PHACTR1: variants seen among roughly 807,000 people sequenced by gnomAD.
PHACTR1 encodes the protein RPEL repeat containing 1.
A neutral mutation model predicts 69.2 loss-of-function variants in PHACTR1; 16 were observed. The observed-to-expected ratio is 0.23, with a 90% CI of 0.16 to 0.35. PHACTR1 has a LOEUF of 0.35. Among genes scored for constraint, PHACTR1 ranks in the 10% least tolerant of loss-of-function variants. The probability of loss-of-function intolerance (pLI) is 1.00; values close to 1 mark genes in which losing one functional copy is unlikely to be tolerated. For synonymous variants in PHACTR1, 312 were observed against 284.5 expected (o/e 1.10, Z -0.97); for missense variants, 510 against 734.7 (o/e 0.69, Z 3.54).
At chr6:12,959,191 A>AG (rs1554181492) in intron 4 of PHACTR1, among the ~76,000 whole-genome samples, 3 of 109,002 alleles carry the variant, frequency 2.8e-5, no homozygotes, top group African/African-American at 1.1e-4. Context: ...AAAAAAAAAA[A>AG]AAAAGAAAAG....
intron 5 of PHACTR1, among the ~76,000 whole-genome samples, chr6:13,058,805 T>C (rs2127746678): frequency 6.6e-6 from 1 of 152,084 alleles, no homozygotes; most frequent in Non-Finnish European, 1.5e-5. Context: ...AGGTGAGCCG[T>C]CTAGGAGAGC....
chr6:12,755,640 G>A (rs893038745), intron 4 of PHACTR1, among the ~76,000 whole-genome samples: 8 of 152,144 alleles, frequency 5.3e-5, no homozygotes, highest in East Asian at 3.9e-4. Context: ...AATATTCAGG[G>A]ATTATTCAAA....
chr6:13,132,888 G>A (rs1583501705), intron 5 of PHACTR1, among the ~76,000 whole-genome samples: 1 of 152,124 alleles, frequency 6.6e-6, no homozygotes, highest in Non-Finnish European at 1.5e-5. Flanking sequence ...CAACAATGGA[G>A]CTTGTAGCAT....
chr6:12,869,213 G>C (rs1203607719), intron 4 of PHACTR1, among the ~76,000 whole-genome samples: 1 of 152,120 alleles, frequency 6.6e-6, no homozygotes, highest in Non-Finnish European at 1.5e-5. Context: ...AAGATGTACA[G>C]AATGAGGGAC....
At position 13,035,435 on chromosome 6, in the gene PHACTR1, TTAAACC is replaced by T. The variant is rs1338257020; in HGVS notation, c.251-17926_251-17921del. Among the ~76,000 whole-genome samples the T allele has an allele frequency of 2.0e-4, 31 of 152,110 alleles. No homozygotes were observed. The South Asian group carries it at 6.4e-3, about 32-fold the overall frequency. On this transcript the variant is annotated intron_variant, in intron 4 of 14. Transcript: ENST00000332995. ...CAGAAAAGTTCTATATGATTTTTTT[TTAAACC>T]TAACAACCCATTTTACTGCATTGTT...
chr6:13,120,920 T>C (rs916964700), intron 5 of PHACTR1, among the ~76,000 whole-genome samples: 2 of 152,214 alleles, frequency 1.3e-5, no homozygotes, highest in Non-Finnish European at 2.9e-5. Flanking sequence ...GACAGGGTGA[T>C]TGGGAGCTCT....
intron 5 of PHACTR1, among the ~76,000 whole-genome samples, chr6:13,059,029 A>G (rs1807251002): frequency 6.6e-6 from 1 of 152,166 alleles, no homozygotes; most frequent in African/African-American, 2.4e-5. Flanking sequence ...GGGAGATTTT[A>G]TAAGGAACAA....
At chr6:12,933,810 C>G (rs1332284103) in intron 4 of PHACTR1, 1 of 1,612,822 alleles carries the variant, frequency 6.2e-7, no homozygotes, top group African/African-American at 1.3e-5. Flanking sequence ...GGACAATTCT[C>G]TACTCAGGGT....
At chr6:12,815,671 A>G (rs1775498398) in intron 4 of PHACTR1, among the ~76,000 whole-genome samples, 1 of 152,200 alleles carries the variant, frequency 6.6e-6, no homozygotes, top group Admixed American at 6.5e-5. Context: ...GGGAAAATAC[A>G]GTTCTCTGGA....
intron 5 of PHACTR1, among the ~76,000 whole-genome samples, chr6:13,125,099 G>A (rs1819334231): frequency 6.6e-6 from 1 of 152,192 alleles, no homozygotes; most frequent in South Asian, 2.1e-4. Context: ...CAAAAGGAAA[G>A]AGAAAAGTCC....
At chr6:13,247,813 C>T (rs1308277593) in intron 10 of PHACTR1, among the ~76,000 whole-genome samples, 1 of 152,098 alleles carries the variant, frequency 6.6e-6, no homozygotes, top group Non-Finnish European at 1.5e-5. Flanking sequence ...ATGATCAAAC[C>T]TGTGAATAGC....
intron 10 of PHACTR1, among the ~76,000 whole-genome samples, chr6:13,263,193 T>C (rs1037242373): frequency 1.3e-5 from 2 of 152,114 alleles, no homozygotes; most frequent in South Asian, 4.1e-4. Flanking sequence ...CAGTCTTCTT[T>C]TTCCAAGGTC....
intron 4 of PHACTR1, among the ~76,000 whole-genome samples, chr6:12,782,284 G>C (rs1011102488): frequency 6.6e-6 from 1 of 152,144 alleles, no homozygotes; most frequent in South Asian, 2.1e-4. Flanking sequence ...CACGGAACAT[G>C]ACGCCTTACA....
intron 7 of PHACTR1, among the ~76,000 whole-genome samples, chr6:13,199,381 C>T (rs534197988): frequency 1.6e-5 from 1 of 64,474 alleles, no homozygotes. Context: ...GAGAGTCCAT[C>T]TCAAAAAAAA....
chr6:12,857,751 T>C lies in PHACTR1; in HGVS notation c.250+107961T>C, dbSNP rs578063085. On this transcript the variant is annotated intron_variant, in intron 4 of 14. Coordinates refer to ENST00000332995, the MANE Select transcript of PHACTR1 (RefSeq NM_030948.6). ...GTCACCAAAGCCTTGGACTGTACTTTTCAGCACTTCATCAGGATTAATGTC... is the reference window on the plus strand; with the variant it reads ...GTCACCAAAGCCTTGGACTGTACTTCTCAGCACTTCATCAGGATTAATGTC... 5.9e-5 allele frequency among the ~76,000 whole-genome samples: 9 copies of C among 152,318 alleles called. No homozygotes were observed. In the East Asian group the frequency reaches 1.7e-3, roughly 29 times the overall value.
intron 4 of PHACTR1, among the ~76,000 whole-genome samples, chr6:12,913,533 C>T (rs937394394): frequency 2.0e-5 from 3 of 152,220 alleles, no homozygotes; most frequent in Non-Finnish European, 2.9e-5. Flanking sequence ...CAGAGGCCCA[C>T]CCTGCATGCT....
intron 4 of PHACTR1, among the ~76,000 whole-genome samples, chr6:13,004,573 G>C (rs1483997800): frequency 6.6e-6 from 1 of 152,062 alleles, no homozygotes; most frequent in Non-Finnish European, 1.5e-5. Context: ...TTTAAGTTAT[G>C]GGATACATGT....
At chr6:13,218,681 G>A (rs980094297) in intron 8 of PHACTR1, among the ~76,000 whole-genome samples, 1 of 151,884 alleles carries the variant, frequency 6.6e-6, no homozygotes, top group East Asian at 1.9e-4. Context: ...AATTAGCCAG[G>A]TATGGTGACA....
chr6:13,277,286 C>T (rs760645973), intron 11 of PHACTR1, among the ~76,000 whole-genome samples: 29 of 151,522 alleles, frequency 1.9e-4, no homozygotes, highest in Non-Finnish European at 2.9e-4. Flanking sequence ...AAGGCAAGAG[C>T]TTTCAGGCTC....
Sources: allele counts gnomAD v4.1 joint callset (sites outside exome capture counted in the v4.1 genomes callset), GRCh38; gene constraint gnomAD v4.1.1; transcripts MANE v1.5; gene names NCBI Gene and HGNC (gene_info 2026-07-23, HGNC 2026-07-21).